FRMPD4: variants seen among roughly 807,000 people sequenced by gnomAD.
FRMPD4 encodes FERM and PDZ domain containing 4.
FRMPD4 carries 22 observed loss-of-function variants against 94.1 expected under a neutral mutation model. The ratio of observed to expected loss-of-function variants is 0.23; its 90% CI spans 0.17 to 0.33. The LOEUF (loss-of-function observed/expected upper bound fraction) is 0.33, where lower values mean the gene tolerates loss of function less well. Ranked by LOEUF, FRMPD4 falls within the 10% of genes least tolerant of loss-of-function variation. FRMPD4 has a pLI of 1.00. For synonymous variants in FRMPD4, 631 were observed against 548.6 expected (o/e 1.15, Z -2.10); for missense variants, 1,111 against 1,339.9 (o/e 0.83, Z 2.67).
chrX:11,860,047 A>G (rs771261537), intron 1 of FRMPD4, among the ~76,000 whole-genome samples: 46 of 112,544 alleles, frequency 4.1e-4, no homozygotes, highest in Non-Finnish European at 8.3e-4. Flanking sequence ...CCCAAGAATT[A>G]TTCACTTAAA....
chrX:12,436,065 G>A (rs2057062925), intron 1 of FRMPD4, among the ~76,000 whole-genome samples: 1 of 111,234 alleles, frequency 9.0e-6, no homozygotes, highest in Non-Finnish European at 1.9e-5. Context: ...GAGTACAGGG[G>A]TGCAATCTGC....
At chrX:12,180,883 C>G (rs2056350876) in intron 1 of FRMPD4, among the ~76,000 whole-genome samples, 1 of 112,264 alleles carries the variant, frequency 8.9e-6, no homozygotes, top group South Asian at 3.7e-4. Context: ...TTGGTAATCC[C>G]TGGTTTAAAG....
intron 2 of FRMPD4, among the ~76,000 whole-genome samples, chrX:12,582,821 C>T (rs1398509355): frequency 1.8e-5 from 2 of 112,068 alleles, no homozygotes; most frequent in East Asian, 5.6e-4. Context: ...GAGTGAAAGC[C>T]CCAGAAGGCA....
chrX:12,475,670 C>A (rs1336877481), intron 1 of FRMPD4, among the ~76,000 whole-genome samples: 2 of 111,807 alleles, frequency 1.8e-5, no homozygotes, highest in African/African-American at 6.5e-5. Flanking sequence ...ACACCAATAA[C>A]AGACAAACAG....
intron 1 of FRMPD4, among the ~76,000 whole-genome samples, chrX:12,152,132 G>A (rs1369700543): frequency 9.0e-6 from 1 of 111,722 alleles, no homozygotes; most frequent in Non-Finnish European, 1.9e-5. Context: ...GGAACTTCAG[G>A]TGGATTTGAG....
chrX:12,093,230 T>C (rs1280165582), intron 3 of FRMPD4, among the ~76,000 whole-genome samples: 1 of 111,402 alleles, frequency 9.0e-6, no homozygotes, highest in Non-Finnish European at 1.9e-5. Context: ...TAGAGGGTTA[T>C]GAGCAAGGGA....
chrX:12,303,896 GAAAAGGTTACAAGCTAA>G (rs1407198638), intron 1 of FRMPD4, among the ~76,000 whole-genome samples: 3 of 111,760 alleles, frequency 2.7e-5, no homozygotes. Flanking sequence ...ACAAGCAGTG[GAAAAGGTTACAAGCTAA>G]ATCTGTATTA....
intron 4 of FRMPD4, among the ~76,000 whole-genome samples, chrX:12,618,903 G>A (rs968050256): frequency 1.8e-5 from 2 of 111,456 alleles, no homozygotes; most frequent in Non-Finnish European, 3.8e-5. Context: ...TTTTAGAGCC[G>A]GGGCAGCAGA....
intron 1 of FRMPD4, among the ~76,000 whole-genome samples, chrX:12,218,990 G>C (rs1374880157): frequency 8.9e-6 from 1 of 112,413 alleles, no homozygotes; most frequent in Non-Finnish European, 1.9e-5. Context: ...ACCATAATTT[G>C]GAAGGCTTAA....
chrX:12,279,817 C>G (rs976769540), intron 1 of FRMPD4, among the ~76,000 whole-genome samples: 1 of 110,835 alleles, frequency 9.0e-6, no homozygotes, highest in Non-Finnish European at 1.9e-5. Flanking sequence ...ACAGAAGTGT[C>G]ATGCTACTCT....
intron 3 of FRMPD4, among the ~76,000 whole-genome samples, chrX:12,032,465 C>G (rs1490207584): frequency 8.9e-6 from 1 of 111,987 alleles, no homozygotes; most frequent in African/African-American, 3.3e-5. Flanking sequence ...TTGATGATAA[C>G]AAGGAGAATA....
At chrX:12,668,164 T>C (rs1426788558) in intron 4 of FRMPD4, among the ~76,000 whole-genome samples, 3 of 108,737 alleles carry the variant, frequency 2.8e-5, no homozygotes, top group Non-Finnish European at 5.8e-5. Context: ...GTGTAGATCA[T>C]TGTTTTAAAT....
chrX:12,690,108 A>G, intron 7 of FRMPD4, 87 bp from the exon 8 acceptor site: 1 of 664,281 alleles, frequency 1.5e-6, no homozygotes, highest in Non-Finnish European at 2.2e-6. Context: ...TTGGCAGCCT[A>G]CATGTGTAAC....
At chrX:12,639,805 A>C (rs1037782219) in intron 4 of FRMPD4, among the ~76,000 whole-genome samples, 1 of 111,922 alleles carries the variant, frequency 8.9e-6, no homozygotes, top group African/African-American at 3.2e-5. Flanking sequence ...GAAGAGGCTC[A>C]AAGAGGTGTA....
chrX:12,673,518 G>A (rs2059864788), intron 4 of FRMPD4, among the ~76,000 whole-genome samples: 1 of 111,747 alleles, frequency 8.9e-6, no homozygotes, highest in Non-Finnish European at 1.9e-5. Context: ...CATGGTGCTT[G>A]TGACACTGAA....
At position 12,332,002 on chromosome X, in the gene FRMPD4, AT is replaced by A. The variant is rs1348331580; in HGVS notation, c.42-166677del. On this transcript the variant is annotated intron_variant, in intron 1 of 16. Coordinates refer to ENST00000675598, the MANE Select transcript of FRMPD4 (RefSeq NM_001368397.1). ...TTTATATACTATATATAAATTATAT[AT>A]ATTTATATACTATATATAAATTATA... 3.4e-3 allele frequency among the ~76,000 whole-genome samples: 207 copies of A among 60,684 alleles called. 7 individuals carry two copies. Among genetic ancestry groups the A allele is most frequent in the African/African-American group, 0.012 (155 of 13,014 alleles). 52.7% of individuals were successfully genotyped at this position (60,684 alleles called of 115,157 possible).
rs763407957 is a variant in FRMPD4, at chrX:12,294,816, C to T, written c.41+155804C>T. Among the ~76,000 whole-genome samples, 8 of 111,329 alleles carry T rather than the reference C, an allele frequency of 7.2e-5. No homozygotes were observed. The East Asian group carries it at 1.7e-3, about 24-fold the overall frequency. On this transcript the variant is annotated intron_variant, in intron 1 of 16. Transcript: ENST00000675598. Reference sequence around the variant, plus strand: ...ATGAATACAGAAGGCTGGGCGATAGCGCTGATCAAGGAACTGGTCTTCAAG... The same window carrying T: ...ATGAATACAGAAGGCTGGGCGATAGTGCTGATCAAGGAACTGGTCTTCAAG...
intron 1 of FRMPD4, among the ~76,000 whole-genome samples, chrX:11,856,129 C>A (rs2053652277): frequency 9.0e-6 from 1 of 111,505 alleles, no homozygotes; most frequent in South Asian, 3.8e-4. Context: ...ATAAAACCAT[C>A]AGATCTCATG....
intron 1 of FRMPD4, among the ~76,000 whole-genome samples, chrX:12,382,816 GTTAA>G (rs1355153648): frequency 9.0e-6 from 1 of 110,561 alleles, no homozygotes. Context: ...TACTATATGT[GTTAA>G]TTGTTTGTTA....
Sources: gnomAD v4.1 joint callset for allele counts (sites outside exome capture counted in the v4.1 genomes callset) on GRCh38, gnomAD v4.1.1 for gene constraint, MANE v1.5 for transcripts, NCBI Gene and HGNC (gene_info 2026-07-23, HGNC 2026-07-21) for gene names.